The following DNER variants were observed in gnomAD, a reference collection of about 807,000 sequenced individuals.
DNER encodes the protein delta and Notch-like epidermal growth factor-related receptor.
A neutral mutation model predicts 78.2 loss-of-function variants in DNER; 33 were observed. The observed-to-expected ratio is 0.42, with a 90% CI of 0.32 to 0.56. The LOEUF is 0.56. Among genes scored for constraint, DNER ranks in the 20% least tolerant of loss-of-function variants. DNER has a pLI of 0.11. For synonymous variants in DNER, 417 were observed against 384.8 expected, an observed-to-expected ratio of 1.08 and a Z score of -0.98; for missense variants, 918 against 975.3, an observed-to-expected ratio of 0.94 and a Z score of 0.78.
At chr2:229,543,320 C>T (rs1427751661) in intron 5 of DNER, among the ~76,000 whole-genome samples, 1 of 152,168 alleles carries the variant, frequency 6.6e-6, no homozygotes, top group Admixed American at 6.5e-5. Context: ...CGGTGCTAAA[C>T]ACCTACCTCT....
chr2:229,396,445 GA>G (rs531440995), intron 10 of DNER, among the ~76,000 whole-genome samples: 1 of 151,976 alleles, frequency 6.6e-6, no homozygotes, highest in African/African-American at 2.4e-5. Context: ...CAAAGTGAAG[GA>G]AAAAAATGAT....
chr2:229,509,405 T>C (rs1160824451), intron 6 of DNER, among the ~76,000 whole-genome samples: 2 of 152,262 alleles, frequency 1.3e-5, no homozygotes, highest in Admixed American at 1.3e-4. Context: ...CTTTCATTAA[T>C]TCATCTCATC....
At position 229,714,351 on chromosome 2, in the gene DNER, C is replaced by G; in HGVS notation, c.73G>C (p.Gly25Arg). 1 of 1,239,192 alleles carries G rather than the reference C, an allele frequency of 8.1e-7. No homozygotes were observed. The highest frequency in any genetic ancestry group is 1.0e-6 in the Non-Finnish European group (1 of 995,628). 76.8% of individuals were successfully genotyped at this position (1,239,192 alleles called of 1,614,324 possible). ...AGGGAGCTGCCTCGGGGCCCCGCTC[C>G]GAGCAGCAGCAGCAGCAGGGCCAGC... The part of the protein sequence containing the change: ...PALALLLLLL[G>R]AGPRGSSLAN... Residue 25 changes from glycine to arginine, a missense_variant, in exon 1 of 13, where the codon GGA becomes CGA. Coordinates refer to ENST00000341772, the MANE Select transcript of DNER (RefSeq NM_139072.4).
intron 11 of DNER, among the ~76,000 whole-genome samples, chr2:229,387,543 GA>G (rs1307492945): frequency 6.9e-6 from 1 of 145,646 alleles, no homozygotes; most frequent in Admixed American, 6.9e-5. Flanking sequence ...AAGAAAGAAA[GA>G]AAGAAAGAAA....
intron 4 of DNER, among the ~76,000 whole-genome samples, chr2:229,564,009 C>CCAT (rs1362703911): frequency 1.5e-5 from 2 of 135,500 alleles, no homozygotes; most frequent in African/African-American, 2.8e-5. Flanking sequence ...CACCCCATCA[C>CCAT]CATCATCATC....
intron 6 of DNER, among the ~76,000 whole-genome samples, chr2:229,509,312 A>G (rs1183315958): frequency 6.6e-6 from 1 of 152,242 alleles, no homozygotes; most frequent in Non-Finnish European, 1.5e-5. Flanking sequence ...TTTATTTAAC[A>G]TTACTTCCAA....
chr2:229,524,468 C>A (rs1168459575), intron 5 of DNER, among the ~76,000 whole-genome samples: 3 of 152,176 alleles, frequency 2.0e-5, no homozygotes, highest in Non-Finnish European at 4.4e-5. Context: ...GGAGTCAGTG[C>A]AGACATGAAT....
chr2:229,685,722 T>A (rs1481243922), intron 1 of DNER, among the ~76,000 whole-genome samples: 1 of 152,194 alleles, frequency 6.6e-6, no homozygotes, highest in Non-Finnish European at 1.5e-5. Flanking sequence ...ACAATGGTCA[T>A]TGAGCAACTA....
At chr2:229,677,375 T>C (rs939133006) in intron 1 of DNER, among the ~76,000 whole-genome samples, 1 of 152,198 alleles carries the variant, frequency 6.6e-6, no homozygotes, top group African/African-American at 2.4e-5. Flanking sequence ...AAACCTGAGA[T>C]GGGGATGCCA....
At chr2:229,545,191 C>T (rs1327159220) in intron 5 of DNER, among the ~76,000 whole-genome samples, 1 of 152,052 alleles carries the variant, frequency 6.6e-6, no homozygotes, top group Non-Finnish European at 1.5e-5. Flanking sequence ...AATAGATGTC[C>T]CCTAATGGAA....
Position 229,591,855 on chromosome 2 carries a change from G to A in DNER, c.310C>T (p.His104Tyr). 6.2e-7 allele frequency: 1 copy of A among 1,605,724 alleles called. No individual in the cohort carries two copies. The highest frequency in any genetic ancestry group is 1.1e-5 in the South Asian group (1 of 89,770). The change falls in exon 2 of 13, where the codon CAC becomes TAC. Residue 104 changes from histidine to tyrosine, a missense_variant. His to Tyr is a moderately conservative substitution (Grantham distance 83). Coordinates refer to ENST00000341772, the MANE Select transcript of DNER (RefSeq NM_139072.4). The surrounding 1 kb of genome is among the most constrained non-coding windows in gnomAD (Gnocchi z 4.6). ...CTGCTGCTGCTGCAGTTGCCATGGT[G>A]ACAAGGGTTGCTGGCACAAGGATCT... is the stretch of plus-strand genomic sequence containing the variant. ...VADPCASNPC[H>Y]HGNCSSSSSS...
At position 229,383,926 on chromosome 2, in the gene DNER, G is replaced by T. The variant is rs574978146; in HGVS notation, c.1855+4339C>A. On this transcript the variant is annotated intron_variant, in intron 11 of 12. Transcript: ENST00000341772. ...CAAGCAGACCTAATAGACATCTACA[G>T]AACTCTCCACTCCAAATCAGCAGAA... is the stretch of plus-strand genomic sequence containing the variant. 1.1e-4 allele frequency among the ~76,000 whole-genome samples: 16 copies of T among 152,198 alleles called. No individual in the cohort carries two copies. In the South Asian group the frequency reaches 3.3e-3, roughly 32 times the overall value.
intron 4 of DNER, among the ~76,000 whole-genome samples, chr2:229,561,386 T>A (rs1696957240): frequency 6.6e-6 from 1 of 152,206 alleles, no homozygotes; most frequent in South Asian, 2.1e-4. Flanking sequence ...TGCTATCACC[T>A]GAAGATAGAT....
chr2:229,387,591 A>G (rs60540961), intron 11 of DNER, among the ~76,000 whole-genome samples: 4,341 of 151,642 alleles, frequency 0.029, 93 homozygotes, highest in African/African-American at 0.058. Context: ...AAGGAAGGAA[A>G]GAAGGAAAGG....
At position 229,533,966 on chromosome 2, in the gene DNER, A is replaced by G. The variant is rs909935924; in HGVS notation, c.993+12981T>C. 3.9e-5 allele frequency among the ~76,000 whole-genome samples: 6 copies of G among 152,250 alleles called. No individual in the cohort carries two copies. The East Asian group carries it at 1.2e-3, about 29-fold the overall frequency. On this transcript the variant is annotated intron_variant, in intron 5 of 12. Coordinates refer to ENST00000341772, the MANE Select transcript of DNER (RefSeq NM_139072.4). ...TTTTTGATATTGTAAAATGAAATGC[A>G]TCAACATTTGGAAGCTCTGTATAAC...
At position 229,583,610 on chromosome 2, in the gene DNER, AG is replaced by A. The variant is rs1156813432; in HGVS notation, c.847+2247del. On this transcript the variant is annotated intron_variant, in intron 4 of 12. Transcript: ENST00000341772. The stretch of plus-strand genomic sequence containing the variant: ...TAACGTTAAGGACATTTTAAAGAGT[AG>A]TGATACTTTATATGTTTTCTTGAAA... 9.8e-5 allele frequency among the ~76,000 whole-genome samples: 15 copies of A among 152,378 alleles called. No individual in the cohort carries two copies. The East Asian group carries it at 2.7e-3, about 27-fold the overall frequency.
At chr2:229,464,833 A>G (rs13017642) in intron 7 of DNER, among the ~76,000 whole-genome samples, 58,480 of 151,928 alleles carry the variant, frequency 0.38, 13,112 homozygotes, top group African/African-American at 0.63. Flanking sequence ...GCCCCTATGA[A>G]GAAGGGTACA....
chr2:229,700,882 G>A (rs1699735760), intron 1 of DNER, among the ~76,000 whole-genome samples: 1 of 146,876 alleles, frequency 6.8e-6, no homozygotes, highest in Non-Finnish European at 1.5e-5. Context: ...GACAGAGCGA[G>A]ACTCCGTCTC....
At chr2:229,590,303 T>C (rs1307525428) in intron 2 of DNER, among the ~76,000 whole-genome samples, 1 of 152,194 alleles carries the variant, frequency 6.6e-6, no homozygotes, top group African/African-American at 2.4e-5. Flanking sequence ...ATAGGAGAAG[T>C]TCCAACAAAT....
Sources: allele counts gnomAD v4.1 joint callset (sites outside exome capture counted in the v4.1 genomes callset), GRCh38; gene constraint gnomAD v4.1.1; non-coding constraint Gnocchi (gnomAD v3.1); transcripts MANE v1.5; gene names NCBI Gene and HGNC (gene_info 2026-07-23, HGNC 2026-07-21).